Variants in TTC34 observed in about 807,000 individuals in gnomAD.
The protein encoded by TTC34 is tetratricopeptide repeat domain 34, also known as tetratricopeptide repeat protein 34.
In TTC34, 44 loss-of-function variants were observed where a neutral mutation model predicts 40.7. The ratio of observed to expected loss-of-function variants is 1.08; its 90% CI spans 0.85 to 1.39. The LOEUF is 1.39. Ranked by LOEUF, TTC34 falls within the 40% of genes most tolerant of loss-of-function variation. TTC34 has a pLI of 0.00. For missense variants in TTC34, 884 were observed against 838.0 expected (o/e 1.05, Z -0.68); for synonymous variants, 422 against 398.6 (o/e 1.06, Z -0.70).
chr1:2,652,247 C>G (rs1436699329), intron 6 of TTC34, among the ~76,000 whole-genome samples: 7 of 151,222 alleles, frequency 4.6e-5, no homozygotes, highest in Non-Finnish European at 8.8e-5. Context: ...CACCCACACC[C>G]CCAGGTGAGC....
Position 2,656,368 on chromosome 1 carries a change from A to AC in TTC34, c.2227-10806dup, listed in dbSNP as rs1557589942. ...TGAGCATCTGACAGCCTGGAACAGC[A>AC]CCCACACCCACAGGTGAGCATCTGA... On this transcript the variant is annotated intron_variant, in intron 6 of 8. Transcript: ENST00000401095. 3.1e-5 allele frequency among the ~76,000 whole-genome samples: 3 copies of AC among 95,978 alleles called. 1 individual carries two copies. The highest frequency in any genetic ancestry group is 4.6e-5 in the African/African-American group (1 of 21,904). The allele number at this position is 95,978 out of a possible 152,430, so 63.0% of individuals were successfully genotyped here.
Position 2,796,467 on chromosome 1 carries a change from C to T in TTC34, c.784+3577G>A, listed in dbSNP as rs1643710844. On this transcript the variant is annotated intron_variant, in intron 2 of 8. Coordinates refer to ENST00000401095, the Ensembl canonical transcript of TTC34. The surrounding 1 kb of genome is among the most constrained non-coding windows in gnomAD (Gnocchi z 4.5). ...ATGCACAATTCTTAGGGCAGGTGTT[C>T]CCTGTACACACCAGAGCCACGGCAG... Among the ~76,000 whole-genome samples, 1 of 152,110 alleles carries T rather than the reference C, an allele frequency of 6.6e-6. No homozygotes were observed. The highest frequency in any genetic ancestry group is 2.4e-5 in the African/African-American group (1 of 41,412).
chr1:2,753,134 A>G (rs1392683157), intron 6 of TTC34, among the ~76,000 whole-genome samples: 9 of 13,860 alleles, frequency 6.5e-4, no homozygotes, highest in Non-Finnish European at 1.0e-3. Context: ...AGCACCAAAA[A>G]CCCCAGGTGA....
chr1:2,637,050 C>G (rs1221938334), exon 9 of TTC34: 1 of 152,186 alleles, frequency 6.6e-6, no homozygotes, highest in Non-Finnish European at 1.5e-5. Context: ...AGGGGATGCA[C>G]GGGTGGTTCC....
exon 9 of TTC34, chr1:2,641,152 T>C (rs528009634): frequency 5.4e-5 from 12 of 220,592 alleles, no homozygotes; most frequent in Non-Finnish European, 8.1e-5. Context: ...AAGGGGTGTG[T>C]GGGGAGGGTG....
intron 6 of TTC34, among the ~76,000 whole-genome samples, chr1:2,648,502 G>A (rs778217482): frequency 1.3e-5 from 2 of 152,130 alleles, no homozygotes; most frequent in South Asian, 2.1e-4. Context: ...GCTCTTTGCT[G>A]CCTGTTGTTT....
At chr1:2,664,930 C>G (rs1388948856) in intron 6 of TTC34, among the ~76,000 whole-genome samples, 5 of 6 alleles carry the variant, frequency 0.83, 2 homozygotes, top group Admixed American at 1. Flanking sequence ...CCTGCACCCC[C>G]AGGTGAGCAT....
Position 2,651,118 on chromosome 1 carries a change from G to C in TTC34, c.2227-5555C>G, listed in dbSNP as rs555003947. Among the ~76,000 whole-genome samples the C allele has an allele frequency of 7.2e-5, 11 of 151,966 alleles. No homozygotes were observed. The East Asian group carries it at 2.1e-3, about 30-fold the overall frequency. ...GGAACGGCACCCCAAACCCCCAGGT[G>C]AGCAACTTTGCAGCCTGGGACAGTA... On this transcript the variant is annotated intron_variant, in intron 6 of 8. Transcript: ENST00000401095.
chr1:2,790,652 G>A (rs897580982), intron 2 of TTC34, among the ~76,000 whole-genome samples: 1 of 152,202 alleles, frequency 6.6e-6, no homozygotes, highest in African/African-American at 2.4e-5. Context: ...CACTCCCACC[G>A]CTCAGTGCAA....
exon 9 of TTC34, chr1:2,637,389 CCT>C (rs1481749468): frequency 6.6e-6 from 1 of 152,000 alleles, no homozygotes; most frequent in Admixed American, 6.5e-5. Flanking sequence ...GGAACCTGTC[CCT>C]GTCTGCCTAG....
rs1449086020 is a variant in TTC34 at position 2,751,511 on chromosome 1, T to A, written c.2226+32098A>T. 2.2e-4 allele frequency among the ~76,000 whole-genome samples: 3 copies of A among 13,932 alleles called. 1 individual carries two copies. The highest frequency in any genetic ancestry group is 4.0e-4 in the Non-Finnish European group (3 of 7,506). The allele number at this position is 13,932 out of a possible 152,430, so 9.1% of individuals were successfully genotyped here. A position where few individuals can be genotyped will look rare whatever the true frequency, so the allele number is the denominator to read the frequency against. On this transcript the variant is annotated intron_variant, in intron 6 of 8. Coordinates refer to ENST00000401095, the Ensembl canonical transcript of TTC34. The stretch of plus-strand genomic sequence containing the variant: ...TGCCCAGGTGAGCCTCTGACAGCCT[T>A]GAACAGCACCCTGCACCCCCAGGTG...
chr1:2,645,644 T>C lies in TTC34; in HGVS notation c.2227-81A>G. ...AGAGGGTCAGAGTAGGAGGACTGGC[T>C]CTGTCTTTCTCATTCCCTGATCTTC... is the stretch of plus-strand genomic sequence containing the variant. On this transcript the variant is annotated intron_variant, in intron 6 of 8. Coordinates refer to ENST00000401095, the Ensembl canonical transcript of TTC34. The surrounding 1 kb of genome is among the most constrained non-coding windows in gnomAD (Gnocchi z 4.7). 1 of 1,340,330 alleles carries C rather than the reference T, an allele frequency of 7.5e-7. No homozygotes were observed. Among genetic ancestry groups the C allele is most frequent in the Non-Finnish European group, 9.7e-7 (1 of 1,027,452 alleles). The allele number at this position is 1,340,330 out of a possible 1,614,324, so 83.0% of individuals were successfully genotyped here.
At chr1:2,750,102 C>G (rs1331656552) in intron 6 of TTC34, among the ~76,000 whole-genome samples, 2 of 103,380 alleles carry the variant, frequency 1.9e-5, no homozygotes, top group African/African-American at 4.3e-5. Flanking sequence ...GAGCATCTGA[C>G]AGCCTGGAAC....
intron 3 of TTC34, among the ~76,000 whole-genome samples, chr1:2,788,593 T>A (rs2100628178): frequency 6.6e-6 from 1 of 152,304 alleles, no homozygotes; most frequent in South Asian, 2.1e-4. Flanking sequence ...ATTCACCCAC[T>A]GGGCTTTGGG....
At chr1:2,697,383 AGC>A in intron 6 of TTC34, among the ~76,000 whole-genome samples, 1 of 96,738 alleles carries the variant, frequency 1.0e-5, no homozygotes, top group Non-Finnish European at 2.2e-5. Context: ...AGCATCTGAC[AGC>A]GTGGAACAGC....
chr1:2,795,148 G>A (rs995184513), intron 2 of TTC34, among the ~76,000 whole-genome samples: 1 of 152,190 alleles, frequency 6.6e-6, no homozygotes, highest in Non-Finnish European at 1.5e-5. Context: ...CTACTTGGGA[G>A]GCTGAGGCAG....
At chr1:2,756,772 GAACAGCA>G (rs2100448886) in intron 6 of TTC34, among the ~76,000 whole-genome samples, 2 of 83,004 alleles carry the variant, frequency 2.4e-5, no homozygotes, top group Non-Finnish European at 6.3e-5. Flanking sequence ...TGACAGCCTG[GAACAGCA>G]TCCACACCCC....
At chr1:2,756,612 G>A (rs1641513786) in intron 6 of TTC34, among the ~76,000 whole-genome samples, 166 of 146,322 alleles carry the variant, frequency 1.1e-3, no homozygotes, top group East Asian at 1.8e-3. Context: ...TGACAGCCTG[G>A]AACAGCACCC....
At chr1:2,683,281 G>T (rs1197843334) in intron 6 of TTC34, among the ~76,000 whole-genome samples, 1 of 151,654 alleles carries the variant, frequency 6.6e-6, no homozygotes, top group Non-Finnish European at 1.5e-5. Flanking sequence ...CCACAGGTGA[G>T]CATCTGACAG....
Sources: allele counts gnomAD v4.1 joint callset (sites outside exome capture counted in the v4.1 genomes callset), GRCh38; gene constraint gnomAD v4.1.1; non-coding constraint Gnocchi (gnomAD v3.1); transcripts MANE v1.5; gene names NCBI Gene and HGNC (gene_info 2026-07-23, HGNC 2026-07-21).